Variants in NEMF observed in about 807,000 individuals in gnomAD.
The protein encoded by NEMF is ribosome quality control complex subunit NEMF.
NEMF carries 89 observed loss-of-function variants against 162.2 expected under a neutral mutation model. The observed-to-expected ratio is 0.55, with a 90% CI of 0.46 to 0.65. The LOEUF (loss-of-function observed/expected upper bound fraction) is 0.65, where lower values mean the gene tolerates loss of function less well. Ranked by LOEUF, NEMF falls within the 30% of genes least tolerant of loss-of-function variation. The probability of loss-of-function intolerance (pLI) is 0.00; values close to 1 mark genes in which losing one functional copy is unlikely to be tolerated. For synonymous variants in NEMF, 421 were observed against 404.5 expected, an observed-to-expected ratio of 1.04 and a Z score of -0.49; for missense variants, 1,133 against 1,261.9, an observed-to-expected ratio of 0.90 and a Z score of 1.55.
At chr14:49,812,480 T>A (rs1194856175) in intron 18 of NEMF, among the ~76,000 whole-genome samples, 1 of 152,172 alleles carries the variant, frequency 6.6e-6, no homozygotes, top group Non-Finnish European at 1.5e-5. Flanking sequence ...GTTCTTAAGG[T>A]GCAAAGTTAG....
chr14:49,791,067 G>A (rs1283433690), intron 26 of NEMF, among the ~76,000 whole-genome samples: 1 of 151,148 alleles, frequency 6.6e-6, no homozygotes, highest in Non-Finnish European at 1.5e-5. Flanking sequence ...TGGGCGCAGT[G>A]GCTCACGCCT....
chr14:49,802,615 G>A (rs1296921054), intron 21 of NEMF, 42 bp from the exon 22 acceptor site: 1 of 1,611,806 alleles, frequency 6.2e-7, no homozygotes. Flanking sequence ...CTTCAGACAA[G>A]ACTAATGAAA....
At chr14:49,821,725 G>A (rs2139935732) in intron 16 of NEMF, among the ~76,000 whole-genome samples, 1 of 149,100 alleles carries the variant, frequency 6.7e-6, no homozygotes, top group East Asian at 2.1e-4. Flanking sequence ...CCCCGTCCAG[G>A]AGGTGAGGGG....
intron 7 of NEMF, among the ~76,000 whole-genome samples, 158 bp from the exon 8 acceptor site, chr14:49,833,654 G>A (rs1000796388): frequency 1.7e-4 from 26 of 152,128 alleles, no homozygotes; most frequent in Admixed American, 1.6e-3. Context: ...CAGTATATGT[G>A]GATATATGGT....
In NEMF at chr14:49,831,351, T is replaced by A; in HGVS notation, c.893A>T (p.Glu298Val). 6.3e-7 allele frequency: 1 copy of A among 1,599,264 alleles called. No individual in the cohort carries two copies. Among genetic ancestry groups the A allele is most frequent in the Non-Finnish European group, 8.6e-7 (1 of 1,166,888 alleles). Residue 298 changes from glutamate (E) to valine (V), a missense_variant, in exon 11 of 33, where the codon GAA becomes GTA. Physicochemically the swap from Glu to Val is moderately radical, Grantham distance 121. Around this residue, in one of 3 missense-constraint regions of NEMF, gnomAD observed 582 missense variants for 631.5 expected, o/e 0.92. Transcript: ENST00000298310. ...CTGGCCTTCTATCTTGGAATAAAAT[T>A]CATCCACCGCCTTATTAAAAAAACA... ...EFESFDKAVD[E>V]FYSKIEGQKI... is the part of the protein sequence containing the mutation.
intron 3 of NEMF, 76 bp from the exon 4 acceptor site, chr14:49,846,341 C>T (rs1212189139): frequency 1.1e-5 from 15 of 1,354,246 alleles, no homozygotes; most frequent in Non-Finnish European, 1.4e-5. Context: ...TATAAATAAG[C>T]TTCTTTTCAT....
At position 49,788,907 on chromosome 14, in the gene NEMF, A is replaced by C. The variant is rs374322095; in HGVS notation, c.2895+239T>G. Among the ~76,000 whole-genome samples, 3 of 152,086 alleles carry C rather than the reference A, an allele frequency of 2.0e-5. No individual in the cohort carries two copies. The East Asian group carries it at 5.8e-4, about 29-fold the overall frequency. On this transcript the variant is annotated intron_variant, in intron 28 of 32. Coordinates refer to ENST00000298310, the MANE Select transcript of NEMF (RefSeq NM_004713.6). ...CCATCAGAATCAAAGCCTCTCCTTA[A>C]AACTGATTACTTCCTAAAGGCTTGT...
intron 4 of NEMF, among the ~76,000 whole-genome samples, chr14:49,844,208 T>G (rs976078486): frequency 6.6e-6 from 1 of 151,250 alleles, no homozygotes; most frequent in African/African-American, 2.4e-5. Flanking sequence ...GGTGCAGGGG[T>G]ATGGTTTCCG....
At chr14:49,791,373 C>T (rs1369002758) in intron 26 of NEMF, among the ~76,000 whole-genome samples, 1 of 152,092 alleles carries the variant, frequency 6.6e-6, no homozygotes, top group Non-Finnish European at 1.5e-5. Flanking sequence ...CATGAGCCTT[C>T]TGGGATGCTG....
chr14:49,841,291 G>A (rs1027491645), intron 4 of NEMF, among the ~76,000 whole-genome samples: 2 of 148,308 alleles, frequency 1.3e-5, no homozygotes, highest in South Asian at 2.1e-4. Flanking sequence ...AATTGAGAAA[G>A]AAGCCGGGCA....
rs572798820 is a variant in NEMF at position 49,813,138 on chromosome 14, T to C, written c.1744+850A>G. On this transcript the variant is annotated intron_variant, in intron 18 of 32. Coordinates refer to ENST00000298310, the MANE Select transcript of NEMF (RefSeq NM_004713.6). Reference sequence around the variant, plus strand: ...AGAATATTTCATGTGCACTTAAGAATACAGGGTGAGCACCCCAAACCTGAA... The same window carrying C: ...AGAATATTTCATGTGCACTTAAGAACACAGGGTGAGCACCCCAAACCTGAA... 5.3e-5 allele frequency among the ~76,000 whole-genome samples: 8 copies of C among 152,254 alleles called. No individual in the cohort carries two copies. The East Asian group carries it at 1.5e-3, about 29-fold the overall frequency.
intron 32 of NEMF, 102 bp downstream of exon 32, chr14:49,784,823 G>C: frequency 1.4e-6 from 2 of 1,396,562 alleles, no homozygotes; most frequent in East Asian, 2.3e-5. Flanking sequence ...TGGTTTTACT[G>C]CTTCTAATAA....
chr14:49,802,804 G>A (rs1891017996), intron 20 of NEMF, 77 bp from the exon 21 acceptor site: 1 of 1,042,772 alleles, frequency 9.6e-7, no homozygotes, highest in South Asian at 1.4e-5. Context: ...AAAAAAATTA[G>A]TGTCAGATGA....
chr14:49,837,915 C>G (rs889725299), intron 6 of NEMF, among the ~76,000 whole-genome samples: 1 of 151,564 alleles, frequency 6.6e-6, no homozygotes, highest in Non-Finnish European at 1.5e-5. Flanking sequence ...CTACCATTAG[C>G]ACTGAAGTAC....
At chr14:49,851,946 A>C in intron 1 of NEMF, 71 bp from the exon 2 acceptor site, 1 of 936,398 alleles carries the variant, frequency 1.1e-6, no homozygotes, top group Non-Finnish European at 1.6e-6. Context: ...ATAATTTAAT[A>C]AAAGCTTCGA....
rs141547876 is a variant in NEMF at position 49,838,184 on chromosome 14, C to A, written c.529G>T (p.Ala177Ser). Residue 177 changes from alanine (A) to serine (S), a missense_variant, in exon 6 of 33, where the codon GCA (alanine) becomes TCA (serine). Around this residue, in one of 3 missense-constraint regions of NEMF, gnomAD observed 582 missense variants for 631.5 expected, o/e 0.92. Coordinates refer to ENST00000298310, the MANE Select transcript of NEMF (RefSeq NM_004713.6). ...CTCTTCAGTAGTTCACCCTTAGGTG[C>A]GCTGGCTACTATTTCAGTCAACCTG... Reference protein sequence around the residue: ...LERLTEIVASAPKGELLKRVL... With the variant: ...LERLTEIVASSPKGELLKRVL... 2.5e-6 allele frequency: 4 copies of A among 1,613,802 alleles called. No individual in the cohort carries two copies. The highest frequency in any genetic ancestry group is 2.5e-6 in the Non-Finnish European group (3 of 1,179,772).
intron 26 of NEMF, among the ~76,000 whole-genome samples, chr14:49,793,153 A>T (rs1316134176): frequency 6.6e-6 from 1 of 152,156 alleles, no homozygotes; most frequent in East Asian, 1.9e-4. Flanking sequence ...AAAGATATAC[A>T]CGATTACTAC....
intron 18 of NEMF, 90 bp downstream of exon 18, chr14:49,813,898 C>T (rs1891599877): frequency 3.9e-6 from 3 of 763,204 alleles, no homozygotes; most frequent in Non-Finnish European, 6.9e-6. Context: ...GCCACCACAT[C>T]TGGCCCTCTA....
Position 49,832,060 on chromosome 14 carries a change from T to C in NEMF, c.873A>G (p.Ser291=). Reference sequence around the variant, plus strand: ...AGAACGGAAAACCCACCTTGTCAAATGATTCAAATTCTATATATGGACATT... The same window carrying C: ...AGAACGGAAAACCCACCTTGTCAAACGATTCAAATTCTATATATGGACATT... ...HSQCPYIEFE[S]FDKAVDEFYS... is the part of the protein sequence containing the mutation. The change falls in exon 10 of 33, where the codon TCA becomes TCG. Residue 291 remains serine, a synonymous_variant. Coordinates refer to ENST00000298310, the MANE Select transcript of NEMF (RefSeq NM_004713.6). The C allele has an allele frequency of 1.3e-6, 2 of 1,599,874 alleles. No individual in the cohort carries two copies. The highest frequency in any genetic ancestry group is 1.7e-6 in the Non-Finnish European group (2 of 1,174,562).
Sources: allele counts gnomAD v4.1 joint callset (sites outside exome capture counted in the v4.1 genomes callset), GRCh38; gene constraint gnomAD v4.1.1; regional missense constraint gnomAD v4.1.1; transcripts MANE v1.5; gene names NCBI Gene and HGNC (gene_info 2026-07-23, HGNC 2026-07-21).